UBE2D3: variants seen among roughly 807,000 people sequenced by gnomAD.
UBE2D3 encodes the protein ubiquitin-conjugating enzyme E2 D3.
UBE2D3 carries 2 observed loss-of-function variants against 22.8 expected under a neutral mutation model. The observed-to-expected ratio is 0.09, with a 90% confidence interval of 0.04 to 0.28. The LOEUF is 0.28. Among genes scored for constraint, UBE2D3 ranks in the 10% least tolerant of loss-of-function variants. The pLI is 1.00. For synonymous variants in UBE2D3, 56 were observed against 60.4 expected (o/e 0.93, Z 0.34); for missense variants, 27 against 182.5 (o/e 0.15, Z 4.91).
intron 1 of UBE2D3, among the ~76,000 whole-genome samples, chr4:102,834,769 C>CT (rs1229110359): frequency 1.8e-3 from 263 of 143,176 alleles, no homozygotes; most frequent in Non-Finnish European, 1.7e-3. Flanking sequence ...AAAGATTCAA[C>CT]TTTTTTTTTT....
At chr4:102,812,646 T>C (rs555053730) in intron 2 of UBE2D3, 8 of 152,370 alleles carry the variant, frequency 5.3e-5, no homozygotes, top group African/African-American at 1.9e-4. Context: ...AACTGTGCTT[T>C]AAATATTTCA....
chr4:102,806,423 T>A (rs1388926872), intron 4 of UBE2D3, among the ~76,000 whole-genome samples: 1 of 152,106 alleles, frequency 6.6e-6, no homozygotes, highest in Non-Finnish European at 1.5e-5. Context: ...ACTACAAAGC[T>A]CCTCAACGAG....
intron 1 of UBE2D3, 160 bp from the exon 2 acceptor site, chr4:102,826,796 G>T: frequency 7.9e-7 from 1 of 1,260,974 alleles, no homozygotes; most frequent in East Asian, 3.5e-5. Flanking sequence ...TGGGGGCGAG[G>T]GTGACGGGAA....
chr4:102,834,625 A>G (rs1309161873), intron 1 of UBE2D3, among the ~76,000 whole-genome samples: 1 of 152,014 alleles, frequency 6.6e-6, no homozygotes, highest in Non-Finnish European at 1.5e-5. Flanking sequence ...GGTATGCACC[A>G]GTAGTCCCAC....
In UBE2D3 at chr4:102,868,227, G is replaced by A. The variant is rs1036795888; in HGVS notation, c.-129+488C>T. Among the ~76,000 whole-genome samples, 3 of 151,994 alleles carry A rather than the reference G, an allele frequency of 2.0e-5. No individual in the cohort carries two copies. The South Asian group carries it at 6.2e-4, about 32-fold the overall frequency. ...AGCTGGGACAGGCACCTGCCACCGC[G>A]CCCGGCTAATTTTTCTATTTTTAGT... On this transcript the variant is annotated intron_variant, in intron 1 of 7. Coordinates refer to the UBE2D3 transcript ENST00000338145.
intron 6 of UBE2D3, among the ~76,000 whole-genome samples, chr4:102,800,225 ATTT>A (rs549832149): frequency 1.3e-5 from 2 of 151,368 alleles, no homozygotes; most frequent in South Asian, 2.1e-4. Flanking sequence ...GTTCTGACCG[ATTT>A]TTTTTTAAAA....
At chr4:102,828,686 G>A (rs1004753531), upstream of UBE2D3, among the ~76,000 whole-genome samples, 20 of 152,204 alleles carry the variant, frequency 1.3e-4, no homozygotes, top group African/African-American at 4.6e-4. Flanking sequence ...AGACTAATTA[G>A]TTAATTAGGT....
intron 2 of UBE2D3, 30 bp downstream of exon 2, chr4:102,826,455 C>G (rs1730517660): frequency 1.9e-6 from 3 of 1,613,612 alleles, no homozygotes; most frequent in Non-Finnish European, 2.5e-6. Flanking sequence ...TTTTCTCCTA[C>G]CACCCCATGC....
chr4:102,844,325 G>A (rs79706699), intron 1 of UBE2D3, among the ~76,000 whole-genome samples: 1,839 of 152,202 alleles, frequency 0.012, 38 homozygotes, highest in African/African-American at 0.042. Flanking sequence ...CAATCCTCCT[G>A]CCTTGGTCCC....
intron 1 of UBE2D3, 64 bp from the exon 2 acceptor site, chr4:102,826,700 G>A (rs1730560038): frequency 1.4e-6 from 2 of 1,464,692 alleles, no homozygotes; most frequent in Non-Finnish European, 1.8e-6. Flanking sequence ...ATGAATCCAG[G>A]TCCCTTAAGA....
At chr4:102,799,529 C>T (rs773633359) in intron 6 of UBE2D3, 29 bp from the exon 7 acceptor site, 1 of 1,556,608 alleles carries the variant, frequency 6.4e-7, no homozygotes, top group East Asian at 2.3e-5. Flanking sequence ...ATCTGTTACC[C>T]AGTTTCAGGA....
At chr4:102,801,226 G>A (rs1277623500) in intron 6 of UBE2D3, among the ~76,000 whole-genome samples, 1 of 151,648 alleles carries the variant, frequency 6.6e-6, no homozygotes, top group Non-Finnish European at 1.5e-5. Context: ...TGAGATGAAG[G>A]TAACTCATTA....
At chr4:102,825,495 T>C in intron 2 of UBE2D3, 2 of 1,154,918 alleles carry the variant, frequency 1.7e-6, no homozygotes, top group Non-Finnish European at 2.2e-6. Context: ...CGAAAGGAGA[T>C]GCCGGAAAGA....
At chr4:102,806,718 G>A (rs1371185654) in intron 4 of UBE2D3, among the ~76,000 whole-genome samples, 2 of 151,754 alleles carry the variant, frequency 1.3e-5, no homozygotes, top group Non-Finnish European at 2.9e-5. Context: ...ACTTTTTCTG[G>A]ATTTCCAATA....
chr4:102,865,349 G>A (rs112818498), intron 1 of UBE2D3, among the ~76,000 whole-genome samples: 1,619 of 151,974 alleles, frequency 0.011, 22 homozygotes, highest in African/African-American at 0.036. Context: ...AAAATTAGCC[G>A]GGAGTGGTGG....
At chr4:102,819,166 A>G (rs923122985) in intron 2 of UBE2D3, among the ~76,000 whole-genome samples, 1 of 152,014 alleles carries the variant, frequency 6.6e-6, no homozygotes, top group Non-Finnish European at 1.5e-5. Flanking sequence ...TCCCATCTCT[A>G]CTAAAATATA....
At chr4:102,841,804 A>G (rs1480590183) in intron 1 of UBE2D3, among the ~76,000 whole-genome samples, 1 of 152,156 alleles carries the variant, frequency 6.6e-6, no homozygotes, top group African/African-American at 2.4e-5. Flanking sequence ...TAATATCAGC[A>G]TTCTTTTCAT....
intron 1 of UBE2D3, chr4:102,868,597 G>C: frequency 7.6e-7 from 1 of 1,311,456 alleles, no homozygotes; most frequent in Non-Finnish European, 1.1e-6. Context: ...TAGGCACTGG[G>C]GTCTGGGTAG....
intron 1 of UBE2D3, among the ~76,000 whole-genome samples, chr4:102,862,624 A>C (rs1732954306): frequency 6.6e-6 from 1 of 152,186 alleles, no homozygotes; most frequent in Non-Finnish European, 1.5e-5. Flanking sequence ...GTATTTTTTA[A>C]ACCTTTTAGG....
Sources: allele counts gnomAD v4.1 joint callset (sites outside exome capture counted in the v4.1 genomes callset), GRCh38; gene constraint gnomAD v4.1.1; transcripts MANE v1.5; gene names NCBI Gene and HGNC (gene_info 2026-07-23, HGNC 2026-07-21).